EIF3L: variants seen among roughly 807,000 people sequenced by gnomAD.
The protein encoded by EIF3L is eukaryotic translation initiation factor 3 subunit L.
EIF3L carries 32 observed loss-of-function variants against 74.6 expected under a neutral mutation model. That is an observed-to-expected ratio of 0.43 (90% CI 0.32 to 0.58). EIF3L has a LOEUF of 0.58. EIF3L is among the 20% of genes least tolerant of loss of function. The probability of loss-of-function intolerance (pLI) is 0.06; values close to 1 mark genes in which losing one functional copy is unlikely to be tolerated. For missense variants in EIF3L, 474 were observed against 707.8 expected, an observed-to-expected ratio of 0.67 and a Z score of 3.75; for synonymous variants, 256 against 254.4, an observed-to-expected ratio of 1.01 and a Z score of -0.06.
chr22:37,863,708 A>G (rs1212213439), intron 7 of EIF3L, among the ~76,000 whole-genome samples: 2 of 152,132 alleles, frequency 1.3e-5, no homozygotes, highest in African/African-American at 4.8e-5. Context: ...TGTGCTATTT[A>G]AACTCAGAGC....
intron 7 of EIF3L, among the ~76,000 whole-genome samples, chr22:37,864,782 G>A (rs570787686): frequency 1.5e-4 from 23 of 152,020 alleles, no homozygotes; most frequent in African/African-American, 5.3e-4. Context: ...CAGGTGATCC[G>A]CCCTCCTTGG....
rs765570216 is a variant in EIF3L, at chr22:37,870,172, A to G, written c.580-4A>G. 8.8e-6 allele frequency: 14 copies of G among 1,589,676 alleles called. No individual in the cohort carries two copies. The highest frequency in any genetic ancestry group is 2.7e-5 in the African/African-American group (2 of 74,120). The stretch of plus-strand genomic sequence containing the variant: ...TACTGCATGTTTCTTTTCTTCCTCA[A>G]CAGTTTCAGTCATTCAGTCAGTACC... On this transcript the variant is annotated splice_polypyrimidine_tract_variant and splice_region_variant and intron_variant, in intron 7 of 12. Transcript: ENST00000652021.
At chr22:37,849,657 G>A (rs1925055199) in intron 1 of EIF3L, 175 bp downstream of exon 1, 2 of 698,244 alleles carry the variant, frequency 2.9e-6, no homozygotes, top group Admixed American at 2.9e-5. Flanking sequence ...GGCTCTGCCC[G>A]CCCACTTCGC....
intron 5 of EIF3L, 100 bp from the exon 6 acceptor site, chr22:37,862,869 C>T (rs1258029032): frequency 2.3e-6 from 2 of 852,538 alleles, no homozygotes; most frequent in Non-Finnish European, 3.7e-6. Flanking sequence ...AGGACAGATA[C>T]CAATTCTCTT....
intron 8 of EIF3L, among the ~76,000 whole-genome samples, chr22:37,872,926 T>A (rs1328707829): frequency 6.6e-6 from 1 of 152,186 alleles, no homozygotes; most frequent in Non-Finnish European, 1.5e-5. Flanking sequence ...TCAGTTATTT[T>A]CTTTGAGGTA....
intron 1 of EIF3L, 109 bp downstream of exon 1, chr22:37,849,591 G>A (rs1925047679): frequency 2.3e-6 from 3 of 1,280,618 alleles, no homozygotes; most frequent in Non-Finnish European, 2.2e-6. Context: ...AGCTCCGGCC[G>A]ACCTCCCGCC....
intron 5 of EIF3L, among the ~76,000 whole-genome samples, chr22:37,859,960 C>G (rs761400512): frequency 1.3e-5 from 2 of 151,926 alleles, no homozygotes; most frequent in Non-Finnish European, 2.9e-5. Flanking sequence ...TGCAGTGAGC[C>G]GAGATCGTAC....
At chr22:37,862,831 A>G (rs1925931295) in intron 5 of EIF3L, 138 bp from the exon 6 acceptor site, 3 of 629,824 alleles carry the variant, frequency 4.8e-6, no homozygotes, top group East Asian at 2.9e-5. Flanking sequence ...CTTCCCTCTC[A>G]CTTGCATATT....
intron 6 of EIF3L, 33 bp downstream of exon 6, chr22:37,863,071 T>G (rs779086975): frequency 6.4e-7 from 1 of 1,572,614 alleles, no homozygotes; most frequent in South Asian, 1.2e-5. Flanking sequence ...AGGGTGTGTG[T>G]GGTTATGATG....
intron 11 of EIF3L, chr22:37,882,354 A>G (rs1357621569): frequency 6.6e-6 from 1 of 152,096 alleles, no homozygotes; most frequent in Non-Finnish European, 1.5e-5. Context: ...TGTTGGAAAT[A>G]GCACTTTTTG....
At position 37,851,978 on chromosome 22, in the gene EIF3L, A is replaced by G. The variant is rs150895766; in HGVS notation, c.293+488A>G. ...CCACCATGCCTGGCCTAATTTTTGTATTTTTAGTAGAGACGGGGTTTCATC... is the reference window on the plus strand; with the variant it reads ...CCACCATGCCTGGCCTAATTTTTGTGTTTTTAGTAGAGACGGGGTTTCATC... On this transcript the variant is annotated intron_variant, in intron 3 of 12. Transcript: ENST00000652021. Among the ~76,000 whole-genome samples, 824 of 151,728 alleles carry G rather than the reference A, an allele frequency of 5.4e-3. 10 individuals are homozygous for G. The highest frequency in any genetic ancestry group is 0.019 in the African/African-American group (785 of 41,364).
chr22:37,874,895 A>ATTTTTTTTTTT (rs35994639), intron 9 of EIF3L, among the ~76,000 whole-genome samples: 24 of 113,474 alleles, frequency 2.1e-4, no homozygotes, highest in Non-Finnish European at 2.9e-4. Context: ...TGCCCAGCTA[A>ATTTTTTTTTTT]TTTTTTTTTT....
chr22:37,882,546 G>T (rs1927102193), intron 11 of EIF3L: 1 of 151,872 alleles, frequency 6.6e-6, no homozygotes, highest in Non-Finnish European at 1.5e-5. Context: ...GCATGGTGGT[G>T]CGTTCCTGTA....
intron 8 of EIF3L, among the ~76,000 whole-genome samples, chr22:37,873,932 C>T (rs1448535073): frequency 6.6e-6 from 1 of 152,134 alleles, no homozygotes; most frequent in Non-Finnish European, 1.5e-5. Context: ...AATTTTGTGT[C>T]GTTGCCTGAT....
intron 5 of EIF3L, among the ~76,000 whole-genome samples, chr22:37,862,337 A>C (rs1455971612): frequency 6.6e-6 from 1 of 152,196 alleles, no homozygotes; most frequent in Non-Finnish European, 1.5e-5. Flanking sequence ...AGCAACATAA[A>C]GACCAGACCA....
intron 2 of EIF3L, 126 bp downstream of exon 2, chr22:37,850,189 C>G: frequency 1.0e-6 from 1 of 992,946 alleles, no homozygotes; most frequent in Non-Finnish European, 1.6e-6. Flanking sequence ...CAGTCATTAG[C>G]TGCCAGTGCG....
chr22:37,850,316 A>C (rs1925119039), intron 2 of EIF3L, among the ~76,000 whole-genome samples: 1 of 151,814 alleles, frequency 6.6e-6, no homozygotes, highest in African/African-American at 2.4e-5. Flanking sequence ...GCCAAATAAG[A>C]AAAGCTTTTT....
chr22:37,885,956 C>G (rs1019649424), intron 11 of EIF3L: 1 of 150,324 alleles, frequency 6.7e-6, no homozygotes, highest in Non-Finnish European at 1.5e-5. Context: ...TTTGGGAGGC[C>G]AAGACGGGCG....
At chr22:37,877,568 TG>T in intron 10 of EIF3L, 105 bp from the exon 11 acceptor site, 4 of 1,363,876 alleles carry the variant, frequency 2.9e-6, no homozygotes, top group Non-Finnish European at 4.0e-6. Flanking sequence ...ATGAAACAAC[TG>T]GGTAAGTCAA....
Sources: gnomAD v4.1 joint callset for allele counts (sites outside exome capture counted in the v4.1 genomes callset) on GRCh38, gnomAD v4.1.1 for gene constraint, MANE v1.5 for transcripts, NCBI Gene and HGNC (gene_info 2026-07-23, HGNC 2026-07-21) for gene names.